RAP1GDS1: variants seen among roughly 807,000 people sequenced by gnomAD.
RAP1GDS1 encodes RAP1, GTP-GDP dissociation stimulator 1.
A neutral mutation model predicts 71.1 loss-of-function variants in RAP1GDS1; 35 were observed. The ratio of observed to expected loss-of-function variants is 0.49; its 90% CI spans 0.38 to 0.65. RAP1GDS1 has a LOEUF of 0.65. RAP1GDS1 is among the 30% of genes least tolerant of loss of function. The probability of loss-of-function intolerance (pLI) is 0.00; values close to 1 mark genes in which losing one functional copy is unlikely to be tolerated. For missense variants in RAP1GDS1, 663 were observed against 706.1 expected, an observed-to-expected ratio of 0.94 and a Z score of 0.69; for synonymous variants, 229 against 243.1, an observed-to-expected ratio of 0.94 and a Z score of 0.54.
chr4:98,301,833 T>TTATA lies in RAP1GDS1; in HGVS notation c.112+8321_112+8324dup, dbSNP rs950925547. On this transcript the variant is annotated intron_variant, in intron 2 of 14. Transcript: ENST00000408927. ...ACTTTGGGGATGGAGTTGTTCACCT[T>TTATA]TATATACTTGGTGATGAAAAGAAAG... 3.3e-5 allele frequency among the ~76,000 whole-genome samples: 5 copies of TTATA among 152,228 alleles called. No individual in the cohort carries two copies. In the South Asian group the frequency reaches 1.0e-3, roughly 32 times the overall value.
At chr4:98,389,238 T>C (rs1743237028) in intron 5 of RAP1GDS1, among the ~76,000 whole-genome samples, 1 of 152,170 alleles carries the variant, frequency 6.6e-6, no homozygotes, top group Non-Finnish European at 1.5e-5. Flanking sequence ...AACCATATTC[T>C]AGGAGGCCTC....
At chr4:98,404,277 A>G (rs1008920912) in intron 6 of RAP1GDS1, among the ~76,000 whole-genome samples, 200 bp from the exon 7 acceptor site, 2 of 152,140 alleles carry the variant, frequency 1.3e-5, no homozygotes, top group Non-Finnish European at 2.9e-5. Context: ...TTATAGCTCA[A>G]ATATAATTGG....
intron 2 of RAP1GDS1, among the ~76,000 whole-genome samples, chr4:98,337,946 A>G (rs980957888): frequency 1.2e-4 from 18 of 152,152 alleles, no homozygotes; most frequent in Non-Finnish European, 2.2e-4. Flanking sequence ...ATTTAAAGGA[A>G]TGACATAAAC....
intron 5 of RAP1GDS1, among the ~76,000 whole-genome samples, chr4:98,391,674 T>TAAG (rs1002828242): frequency 2.0e-5 from 3 of 152,148 alleles, no homozygotes; most frequent in African/African-American, 7.2e-5. Flanking sequence ...TTTAATGGTA[T>TAAG]AAGACCCCAT....
At chr4:98,401,008 TC>T (rs1478190440) in intron 6 of RAP1GDS1, among the ~76,000 whole-genome samples, 1 of 152,166 alleles carries the variant, frequency 6.6e-6, no homozygotes, top group Non-Finnish European at 1.5e-5. Context: ...GAAGTTGGGT[TC>T]CACCAAAACA....
chr4:98,332,857 A>G (rs1401499632), intron 2 of RAP1GDS1, among the ~76,000 whole-genome samples: 2 of 152,308 alleles, frequency 1.3e-5, no homozygotes, highest in Admixed American at 6.5e-5. Context: ...ATCTTTAGAA[A>G]GACTTGTAAA....
chr4:98,417,522 G>A (rs1748202242), intron 9 of RAP1GDS1, 24 bp downstream of exon 9: 1 of 1,607,572 alleles, frequency 6.2e-7, no homozygotes, highest in Admixed American at 1.7e-5. Flanking sequence ...TTCCTCCTTT[G>A]TTAGTCAAAT....
intron 2 of RAP1GDS1, among the ~76,000 whole-genome samples, chr4:98,316,823 A>T (rs1731013502): frequency 6.6e-6 from 1 of 152,174 alleles, no homozygotes; most frequent in Non-Finnish European, 1.5e-5. Context: ...TCTAGCTAAA[A>T]GTGAAAGATA....
chr4:98,334,886 C>T (rs1383283454), intron 2 of RAP1GDS1, among the ~76,000 whole-genome samples: 2 of 138,500 alleles, frequency 1.4e-5, no homozygotes, highest in Non-Finnish European at 3.0e-5. Flanking sequence ...TATATCAACA[C>T]CAGTAGGAAA....
intron 2 of RAP1GDS1, among the ~76,000 whole-genome samples, chr4:98,303,925 C>G (rs1019921844): frequency 5.9e-5 from 9 of 152,008 alleles, no homozygotes; most frequent in African/African-American, 2.2e-4. Context: ...CTTTGTTCAG[C>G]TCCCACTTAT....
At chr4:98,302,131 A>C (rs1728660356) in intron 2 of RAP1GDS1, among the ~76,000 whole-genome samples, 1 of 152,236 alleles carries the variant, frequency 6.6e-6, no homozygotes, top group Non-Finnish European at 1.5e-5. Flanking sequence ...AAAACATTTT[A>C]GCTATTAAAA....
intron 2 of RAP1GDS1, among the ~76,000 whole-genome samples, chr4:98,308,710 A>G (rs561868435): frequency 3.2e-4 from 48 of 152,274 alleles, no homozygotes; most frequent in South Asian, 2.1e-3. Context: ...GAAGTTCAGT[A>G]TAATTTACAT....
At chr4:98,298,332 G>A (rs1039788211) in intron 2 of RAP1GDS1, among the ~76,000 whole-genome samples, 1 of 152,196 alleles carries the variant, frequency 6.6e-6, no homozygotes, top group African/African-American at 2.4e-5. Context: ...AGATGAAACA[G>A]CTTGGTATTG....
intron 3 of RAP1GDS1, among the ~76,000 whole-genome samples, chr4:98,349,495 T>C (rs1736818526): frequency 6.6e-6 from 1 of 152,224 alleles, no homozygotes; most frequent in South Asian, 2.1e-4. Context: ...TTTTTCCAAT[T>C]CTGTGAAGGA....
chr4:98,331,544 A>G (rs1325525915), intron 2 of RAP1GDS1, among the ~76,000 whole-genome samples: 3 of 152,334 alleles, frequency 2.0e-5, no homozygotes, highest in East Asian at 1.9e-4. Context: ...ATTATCTAGA[A>G]TTCTGACTGA....
chr4:98,300,480 A>G (rs1383399077), intron 2 of RAP1GDS1, among the ~76,000 whole-genome samples: 2 of 151,298 alleles, frequency 1.3e-5, no homozygotes, highest in African/African-American at 2.4e-5. Flanking sequence ...GCTCACTGCA[A>G]CCTCCTCCTC....
intron 1 of RAP1GDS1, among the ~76,000 whole-genome samples, chr4:98,281,135 A>C (rs1266855413): frequency 6.6e-6 from 1 of 151,602 alleles, no homozygotes; most frequent in Non-Finnish European, 1.5e-5. Context: ...AGTTTTTTCC[A>C]ATTCTGTGAA....
chr4:98,357,000 G>A (rs562630275), intron 4 of RAP1GDS1, among the ~76,000 whole-genome samples: 2 of 151,936 alleles, frequency 1.3e-5, no homozygotes, highest in South Asian at 4.2e-4. Flanking sequence ...AGGAATTATA[G>A]TTCTTACTGC....
intron 3 of RAP1GDS1, among the ~76,000 whole-genome samples, chr4:98,350,267 T>G (rs150014649): frequency 2.3e-3 from 353 of 152,356 alleles, no homozygotes; most frequent in African/African-American, 8.2e-3. Context: ...AAGTTTTATT[T>G]ATGAATGAGT....
Sources: gnomAD v4.1 joint callset for allele counts (sites outside exome capture counted in the v4.1 genomes callset) on GRCh38, gnomAD v4.1.1 for gene constraint, MANE v1.5 for transcripts, NCBI Gene and HGNC (gene_info 2026-07-23, HGNC 2026-07-21) for gene names.